Variants in NCK2 observed in about 807,000 individuals in gnomAD.
NCK2 encodes cytoplasmic protein NCK2.
Under a neutral mutation model 33.9 loss-of-function variants are expected in NCK2, and 16 were observed. The observed-to-expected ratio is 0.47, with a 90% confidence interval of 0.32 to 0.72. NCK2 has a LOEUF of 0.72. Ranked by LOEUF, NCK2 falls within the 30% of genes least tolerant of loss-of-function variation. The pLI is 0.03. For synonymous variants in NCK2, 273 were observed against 239.9 expected (o/e 1.14, Z -1.27); for missense variants, 418 against 537.3 (o/e 0.78, Z 2.19).
At chr2:105,807,481 C>G (rs759964848) in intron 1 of NCK2, among the ~76,000 whole-genome samples, 2 of 152,134 alleles carry the variant, frequency 1.3e-5, no homozygotes, top group African/African-American at 2.4e-5. Context: ...CAGCTGATAT[C>G]TATGTAATTT....
At chr2:105,772,409 G>T (rs1690163674) in intron 1 of NCK2, among the ~76,000 whole-genome samples, 1 of 152,088 alleles carries the variant, frequency 6.6e-6, no homozygotes, top group Non-Finnish European at 1.5e-5. Flanking sequence ...TTTGTTCCCG[G>T]GGAATGTGGG....
intron 1 of NCK2, among the ~76,000 whole-genome samples, chr2:105,755,837 T>C (rs1689585661): frequency 6.6e-6 from 1 of 151,908 alleles, no homozygotes; most frequent in Non-Finnish European, 1.5e-5. Flanking sequence ...CTAAGGTTCA[T>C]AGGATTCTAG....
chr2:105,825,910 G>A (rs576868572), intron 2 of NCK2, among the ~76,000 whole-genome samples: 2 of 152,296 alleles, frequency 1.3e-5, no homozygotes, highest in East Asian at 3.9e-4. Context: ...CGTCAGGTTT[G>A]GAGTTCCTGG....
At chr2:105,846,052 A>G (rs928987193) in intron 2 of NCK2, among the ~76,000 whole-genome samples, 1 of 152,108 alleles carries the variant, frequency 6.6e-6, no homozygotes, top group Non-Finnish European at 1.5e-5. Context: ...GGCTTATTAA[A>G]TTTATGTTGA....
intron 3 of NCK2, among the ~76,000 whole-genome samples, chr2:105,867,320 A>G (rs1279194560): frequency 1.3e-5 from 2 of 152,254 alleles, no homozygotes; most frequent in African/African-American, 4.8e-5. Flanking sequence ...AATATAATGT[A>G]TCAGAATTTA....
intron 1 of NCK2, among the ~76,000 whole-genome samples, chr2:105,766,050 CAG>C (rs1384108190): frequency 6.6e-6 from 1 of 152,140 alleles, no homozygotes; most frequent in Non-Finnish European, 1.5e-5. Flanking sequence ...TCCTGCCAAG[CAG>C]GACTCCCTGA....
intron 1 of NCK2, among the ~76,000 whole-genome samples, chr2:105,749,903 G>A (rs531795151): frequency 2.0e-5 from 3 of 152,132 alleles, no homozygotes; most frequent in South Asian, 4.2e-4. Context: ...AGTGGCTCAC[G>A]GCTGTAATCC....
At chr2:105,766,213 G>A (rs1328926902) in intron 1 of NCK2, among the ~76,000 whole-genome samples, 2 of 152,210 alleles carry the variant, frequency 1.3e-5, no homozygotes, top group Non-Finnish European at 2.9e-5. Context: ...CCGGGAATGT[G>A]GGGACTTCCC....
rs1383526320 is a variant in NCK2 at position 105,881,968 on chromosome 2, C to G, written c.867C>G (p.Asn289Lys). The G allele has an allele frequency of 6.5e-7, 1 of 1,531,190 alleles. No individual in the cohort carries two copies. The highest frequency in any genetic ancestry group is 1.4e-5 in the African/African-American group (1 of 72,304). 94.9% of individuals were successfully genotyped at this position (1,531,190 alleles called of 1,614,324 possible). A position where few individuals can be genotyped will look rare whatever the true frequency, so the allele number is the denominator to read the frequency against. The change falls in exon 4 of 5, where the codon AAC becomes AAG. Residue 289 changes from asparagine (N) to lysine (K), a missense_variant. Transcript: ENST00000233154. ...RFAGREWYYG[N>K]VTRHQAECAL... ...CGGGCAGAGAGTGGTACTACGGGAACGTGACGCGGCACCAGGCCGAGTGCG... is the reference window on the plus strand; with the variant it reads ...CGGGCAGAGAGTGGTACTACGGGAAGGTGACGCGGCACCAGGCCGAGTGCG...
At chr2:105,827,267 G>A (rs1187399478) in intron 2 of NCK2, among the ~76,000 whole-genome samples, 1 of 152,158 alleles carries the variant, frequency 6.6e-6, no homozygotes, top group Non-Finnish European at 1.5e-5. Flanking sequence ...CCAAAGTGCT[G>A]GGTTTACAGG....
intron 1 of NCK2, among the ~76,000 whole-genome samples, chr2:105,774,802 G>T (rs1690249943): frequency 6.6e-6 from 1 of 152,046 alleles, no homozygotes; most frequent in Non-Finnish European, 1.5e-5. Flanking sequence ...CTGAGTACTG[G>T]GTATCATCTA....
At position 105,774,867 on chromosome 2, in the gene NCK2, C is replaced by T. The variant is rs115487386; in HGVS notation, c.-201+29729C>T. On this transcript the variant is annotated intron_variant, in intron 1 of 4. Transcript: ENST00000233154. ...TTGAAAGAAATGTGGCTTAATGAGC[C>T]GTGTAGATGTACAGCTGAAAAAACG... 4.5e-3 allele frequency among the ~76,000 whole-genome samples: 685 copies of T among 151,198 alleles called. 7 individuals are homozygous for T. Among genetic ancestry groups the T allele is most frequent in the African/African-American group, 0.015 (603 of 41,478 alleles).
At chr2:105,843,614 A>G (rs1473691746) in intron 2 of NCK2, among the ~76,000 whole-genome samples, 2 of 152,220 alleles carry the variant, frequency 1.3e-5, no homozygotes, top group African/African-American at 4.8e-5. Flanking sequence ...TGATGGTGAT[A>G]CGTCACAGGG....
intron 1 of NCK2, among the ~76,000 whole-genome samples, chr2:105,811,052 G>A (rs1675277658): frequency 6.6e-6 from 1 of 151,708 alleles, no homozygotes; most frequent in Non-Finnish European, 1.5e-5. Context: ...GGGTGTGCCT[G>A]TAGTCCCAGC....
chr2:105,778,697 A>T (rs150057082), intron 1 of NCK2, among the ~76,000 whole-genome samples: 43 of 152,234 alleles, frequency 2.8e-4, no homozygotes, highest in African/African-American at 1.0e-3. Context: ...ATCAATTGAG[A>T]TAATGGTTAT....
At chr2:105,752,129 T>G (rs1172231222) in intron 1 of NCK2, among the ~76,000 whole-genome samples, 1 of 152,230 alleles carries the variant, frequency 6.6e-6, no homozygotes. Flanking sequence ...TTGATTGGCC[T>G]TGGCCACACG....
chr2:105,813,695 C>T (rs1018464067), intron 1 of NCK2, among the ~76,000 whole-genome samples: 4 of 152,260 alleles, frequency 2.6e-5, no homozygotes, highest in Non-Finnish European at 5.9e-5. Context: ...ACTCGCCCAA[C>T]ACTGCAGCTA....
chr2:105,891,573 T>TAGAG (rs10666166), intron 4 of NCK2, among the ~76,000 whole-genome samples: 90,039 of 98,470 alleles, frequency 0.91, 41,197 homozygotes, highest in East Asian at 0.98. Context: ...TTTTTTGAGA[T>TAGAG]TTTTCGCTCT....
At chr2:105,766,304 C>T (rs1689947136) in intron 1 of NCK2, among the ~76,000 whole-genome samples, 1 of 152,154 alleles carries the variant, frequency 6.6e-6, no homozygotes, top group African/African-American at 2.4e-5. Flanking sequence ...TTCTCCTTCT[C>T]TCACCTCTTT....
Sources: allele counts gnomAD v4.1 joint callset (sites outside exome capture counted in the v4.1 genomes callset), GRCh38; gene constraint gnomAD v4.1.1; transcripts MANE v1.5; gene names NCBI Gene and HGNC (gene_info 2026-07-23, HGNC 2026-07-21).